COBLL1: variants seen among roughly 807,000 people sequenced by gnomAD.
The protein encoded by COBLL1 is cordon-bleu protein-like 1.
A neutral mutation model predicts 94.8 loss-of-function variants in COBLL1; 50 were observed. That is an observed-to-expected ratio of 0.53 (90% CI 0.42 to 0.67). The LOEUF (loss-of-function observed/expected upper bound fraction) is 0.67, where lower values mean the gene tolerates loss of function less well. Ranked by LOEUF, COBLL1 falls within the 30% of genes least tolerant of loss-of-function variation. COBLL1 has a pLI of 0.00. For synonymous variants in COBLL1, 448 were observed against 473.8 expected (o/e 0.95, Z 0.71); for missense variants, 1,362 against 1,348.7 (o/e 1.01, Z -0.15).
Position 164,749,140 on chromosome 2 carries a change from T to C in COBLL1, c.42-5265A>G, listed in dbSNP as rs3769892. On this transcript the variant is annotated intron_variant, in intron 2 of 13. Coordinates refer to ENST00000652658, the MANE Select transcript of COBLL1 (RefSeq NM_001365672.2). Reference sequence around the variant, plus strand: ...AAAAGAGCTCAGCAAAACATAATTCTAGTCTTGATTTGAAAAAGCAAAGGT... The same window carrying C: ...AAAAGAGCTCAGCAAAACATAATTCCAGTCTTGATTTGAAAAAGCAAAGGT... 4.0e-3 allele frequency among the ~76,000 whole-genome samples: 609 copies of C among 152,238 alleles called. 7 individuals are homozygous for C. The highest frequency in any genetic ancestry group is 0.024 in the East Asian group (124 of 5,182).
At chr2:164,660,244 C>T (rs1691048424) in intron 2 of COBLL1, among the ~76,000 whole-genome samples, 1 of 152,096 alleles carries the variant, frequency 6.6e-6, no homozygotes, top group South Asian at 2.1e-4. Context: ...AGTAATATTG[C>T]ATTGATTTGG....
intron 2 of COBLL1, among the ~76,000 whole-genome samples, chr2:164,760,386 G>C (rs1425233848): frequency 6.6e-6 from 1 of 152,176 alleles, no homozygotes; most frequent in Non-Finnish European, 1.5e-5. Flanking sequence ...GCCAAATTTG[G>C]AGGCATGATG....
At chr2:164,726,996 C>T (rs1477423619) in intron 5 of COBLL1, 10 of 446,290 alleles carry the variant, frequency 2.2e-5, no homozygotes, top group Non-Finnish European at 3.5e-5. Flanking sequence ...GTTAAAATCT[C>T]ATACAGAATG....
chr2:164,691,035 A>C (rs943686124), intron 13 of COBLL1, among the ~76,000 whole-genome samples: 1 of 152,144 alleles, frequency 6.6e-6, no homozygotes. Context: ...AGACTCTACA[A>C]ATAATTTACA....
In COBLL1 at chr2:164,733,345, C is replaced by T. The variant is rs1021508688; in HGVS notation, c.231-3230G>A. Among the ~76,000 whole-genome samples, 7 of 152,190 alleles carry T rather than the reference C, an allele frequency of 4.6e-5. No individual in the cohort carries two copies. The East Asian group carries it at 1.2e-3, about 25-fold the overall frequency. ...ATTTTATTTATCTAGAAACTTTACA[C>T]ACTATATCAGATATCATGAGAAAAA... On this transcript the variant is annotated intron_variant, in intron 3 of 13. Transcript: ENST00000652658.
chr2:164,741,656 A>G (rs1686602510), intron 3 of COBLL1, among the ~76,000 whole-genome samples: 1 of 152,160 alleles, frequency 6.6e-6, no homozygotes, highest in Non-Finnish European at 1.5e-5. Context: ...CAATTCAACA[A>G]CAGTTGGTGG....
chr2:164,762,861 T>C (rs945481626), intron 2 of COBLL1, among the ~76,000 whole-genome samples: 7 of 152,102 alleles, frequency 4.6e-5, no homozygotes, highest in Non-Finnish European at 8.8e-5. Flanking sequence ...CACGCCCGGC[T>C]AATTTTTTGT....
At chr2:164,786,201 T>G (rs1009333414) in intron 2 of COBLL1, among the ~76,000 whole-genome samples, 1 of 152,164 alleles carries the variant, frequency 6.6e-6, no homozygotes, top group Non-Finnish European at 1.5e-5. Context: ...GTTTGGAGTC[T>G]TTTCTGACTG....
intron 2 of COBLL1, among the ~76,000 whole-genome samples, chr2:164,773,966 A>G (rs1021588165): frequency 6.6e-6 from 1 of 152,184 alleles, no homozygotes; most frequent in Non-Finnish European, 1.5e-5. Context: ...AAAAATTACA[A>G]AAATAAAAAG....
At chr2:164,738,933 C>T (rs893421331) in intron 3 of COBLL1, among the ~76,000 whole-genome samples, 47 of 152,130 alleles carry the variant, frequency 3.1e-4, no homozygotes, top group Non-Finnish European at 4.7e-4. Flanking sequence ...AACATATATA[C>T]ATACATACAC....
At chr2:164,818,284 A>ATACACG (rs1684914835) in intron 2 of COBLL1, among the ~76,000 whole-genome samples, 2 of 146,962 alleles carry the variant, frequency 1.4e-5, no homozygotes, top group South Asian at 4.2e-4. Flanking sequence ...ATGTATACAT[A>ATACACG]TATGTATGTA....
rs1290304128 is a variant in COBLL1 at position 164,779,666 on chromosome 2, G to GAT, written c.42-35793_42-35792dup. 9 of 470,898 alleles carry GAT rather than the reference G, an allele frequency of 1.9e-5. No homozygotes were observed. In the East Asian group the frequency reaches 6.3e-4, roughly 33 times the overall value. The allele number at this position is 470,898 out of a possible 1,614,324, so 29.2% of individuals were successfully genotyped here. Reference sequence around the variant, plus strand: ...GGCAGGACGGTCACCTTACGGCAGGGATATTCTCTCTGAGTCTCTCGACCA... The same window carrying GAT: ...GGCAGGACGGTCACCTTACGGCAGGGATATATTCTCTCTGAGTCTCTCGACCA... On this transcript the variant is annotated intron_variant, in intron 2 of 13. Transcript: ENST00000652658.
chr2:164,807,873 G>A (rs1371185599), intron 2 of COBLL1, among the ~76,000 whole-genome samples: 2 of 152,034 alleles, frequency 1.3e-5, no homozygotes, highest in Admixed American at 6.6e-5. Context: ...AGGCTGAAGT[G>A]CAGTGGCAAT....
intron 13 of COBLL1, among the ~76,000 whole-genome samples, chr2:164,690,858 T>A (rs1439456400): frequency 6.6e-6 from 1 of 152,126 alleles, no homozygotes; most frequent in African/African-American, 2.4e-5. Context: ...TTGAAACTCA[T>A]CCTTAATTTA....
intron 2 of COBLL1, among the ~76,000 whole-genome samples, chr2:164,814,385 AAG>A (rs879882589): frequency 6.6e-6 from 1 of 152,144 alleles, no homozygotes; most frequent in Non-Finnish European, 1.5e-5. Flanking sequence ...TATAAAATTA[AAG>A]AGTCTTTACT....
At chr2:164,702,491 G>A (rs1333569006) in intron 9 of COBLL1, among the ~76,000 whole-genome samples, 1 of 149,186 alleles carries the variant, frequency 6.7e-6, no homozygotes, top group Non-Finnish European at 1.5e-5. Flanking sequence ...GTGAACCCAG[G>A]AGGTGGAGCT....
intron 2 of COBLL1, among the ~76,000 whole-genome samples, chr2:164,778,702 A>G (rs1023558583): frequency 1.3e-5 from 2 of 152,194 alleles, no homozygotes; most frequent in African/African-American, 4.8e-5. Flanking sequence ...GCATATGGAG[A>G]TATCATTATA....
chr2:164,784,169 C>T (rs932867595), intron 2 of COBLL1, among the ~76,000 whole-genome samples: 6 of 152,096 alleles, frequency 3.9e-5, no homozygotes, highest in Non-Finnish European at 8.8e-5. Flanking sequence ...TCAAAGTATT[C>T]ACAGCATTTA....
rs181807666 is a variant in COBLL1, at chr2:164,709,310, T to G, written c.997-4205A>C. On this transcript the variant is annotated intron_variant, in intron 7 of 13. Coordinates refer to ENST00000652658, the MANE Select transcript of COBLL1 (RefSeq NM_001365672.2). ...AGCCATGGACATCAGGGGAAGCATTTATTTTACAACCCTATTCTGTGACAT... is the reference window on the plus strand; with the variant it reads ...AGCCATGGACATCAGGGGAAGCATTGATTTTACAACCCTATTCTGTGACAT... 1.5e-3 allele frequency among the ~76,000 whole-genome samples: 223 copies of G among 152,340 alleles called. 8 individuals carry two copies. The highest frequency in any genetic ancestry group is 0.013 in the Admixed American group (194 of 15,306).
Sources: allele counts gnomAD v4.1 joint callset (sites outside exome capture counted in the v4.1 genomes callset), GRCh38; gene constraint gnomAD v4.1.1; transcripts MANE v1.5; gene names NCBI Gene and HGNC (gene_info 2026-07-23, HGNC 2026-07-21).